The following HLA-F variants were observed in gnomAD, a reference collection of about 807,000 sequenced individuals.
HLA-F encodes the protein HLA class I histocompatibility antigen, alpha chain F.
A neutral mutation model predicts 49.5 loss-of-function variants in HLA-F; 46 were observed. The observed-to-expected ratio is 0.93, with a 90% CI of 0.73 to 1.19. The LOEUF is 1.19. HLA-F is among the 50% of genes most tolerant of loss of function. The pLI, the probability that HLA-F is intolerant of heterozygous loss-of-function variation, is 0.00. For synonymous variants in HLA-F, 203 were observed against 233.5 expected (o/e 0.87, Z 1.19); for missense variants, 496 against 579.6 (o/e 0.86, Z 1.48).
At chr6:29,726,856 G>T (rs753564853) in intron 6 of HLA-F, 27 bp from the exon 7 acceptor site, 6 of 1,599,222 alleles carry the variant, frequency 3.8e-6, no homozygotes, top group Non-Finnish European at 5.1e-6. Context: ...AACACAAGTA[G>T]GCTGTTGTTT....
chr6:29,736,557 A>G (rs953225395), intron 3 of HLA-F: 1 of 359,716 alleles, frequency 2.8e-6, no homozygotes, highest in Admixed American at 3.9e-5. Context: ...GATTTTCACA[A>G]AGTGAACACT....
Position 29,724,450 on chromosome 6 carries a change from T to C in HLA-F, c.610+2T>C, listed in dbSNP as rs901928374. 3 of 1,612,242 alleles carry C rather than the reference T, an allele frequency of 1.9e-6. No individual in the cohort carries two copies. In the African/African-American group the frequency reaches 4.0e-5, roughly 22 times the overall value. ...GGAAGGAGACGCTACAGCGCGCAGG[T>C]ACCAGGGGCCATGGGCGCCTTCCCT... On this transcript the variant is annotated splice_donor_variant, in intron 3 of 6. Coordinates refer to ENST00000259951, the MANE Select transcript of HLA-F (RefSeq NM_001098479.2). LOFTEE classifies it high-confidence loss of function.
downstream of HLA-F, among the ~76,000 whole-genome samples, chr6:29,731,227 G>GGATGGATAGATGGATAGATAGATA (rs1212859904): frequency 7.6e-6 from 1 of 131,240 alleles, no homozygotes. Context: ...TAGAGTAGAT[G>GGATGGATAGATGGATAGATAGATA]GATACATAGA....
intron 6 of HLA-F, chr6:29,726,479 T>A: frequency 6.3e-7 from 1 of 1,584,816 alleles, no homozygotes; most frequent in African/African-American, 1.4e-5. Context: ...CTCACGAACA[T>A]ACATAAATTT....
At chr6:29,732,951 G>A (rs2127596832) in intron 3 of HLA-F, among the ~76,000 whole-genome samples, 1 of 152,248 alleles carries the variant, frequency 6.6e-6, no homozygotes, top group East Asian at 1.9e-4. Context: ...ACTTTGAGAA[G>A]CTGAGGCAGG....
intron 5 of HLA-F, 45 bp downstream of exon 5, chr6:29,725,608 G>A (rs772357649): frequency 2.1e-5 from 32 of 1,530,218 alleles, no homozygotes; most frequent in Non-Finnish European, 2.6e-5. Context: ...TTGTCCCACT[G>A]GGGGTTGCAA....
Position 29,727,115 on chromosome 6 carries a change from C to G in HLA-F, c.1269C>G (p.Ser423Arg). Reference sequence around the variant, plus strand: ...GCTTCGGCTTTAGGAGGGGCAGGAGCTTCCTTCTTCGTTCTTGGCACCATC... The same window carrying G: ...GCTTCGGCTTTAGGAGGGGCAGGAGGTTCCTTCTTCGTTCTTGGCACCATC... The part of the protein sequence containing the change: ...RFGFGFRRGR[S>R]FLLRSWHHLM... The change falls in exon 7 of 7, where the codon AGC becomes AGG. Residue 423 changes from serine to arginine, a missense_variant. By Grantham distance (110) the Ser-to-Arg change is moderately radical. Transcript: ENST00000259951. 6.2e-7 allele frequency: 1 copy of G among 1,610,522 alleles called. No homozygotes were observed. The highest frequency in any genetic ancestry group is 8.5e-7 in the Non-Finnish European group (1 of 1,179,432).
chr6:29,724,016 T>C (rs1336501497), intron 2 of HLA-F, 89 bp downstream of exon 2: 1 of 1,550,490 alleles, frequency 6.4e-7, no homozygotes, highest in Non-Finnish European at 8.7e-7. Context: ...GGATCCGAAA[T>C]CTACCCCGAG....
chr6:29,725,390 C>G, intron 4 of HLA-F, 57 bp from the exon 5 acceptor site: 1 of 1,607,994 alleles, frequency 6.2e-7, no homozygotes, highest in East Asian at 2.2e-5. Flanking sequence ...AGCTCTTCAG[C>G]AGGGTCAGGG....
chr6:29,726,751 G>A, intron 6 of HLA-F, 132 bp from the exon 7 acceptor site: 1 of 1,226,692 alleles, frequency 8.2e-7, no homozygotes, highest in Non-Finnish European at 1.2e-6. Context: ...CTCTCCATCA[G>A]ACTGAATCAG....
rs1775891382 is a variant in HLA-F at position 29,725,188 on chromosome 6, T to A, written c.768T>A (p.Pro256=). Residue 256 remains proline (P), a synonymous_variant, in exon 4 of 7, where the codon CCT becomes CCA. Coordinates refer to ENST00000259951, the MANE Select transcript of HLA-F (RefSeq NM_001098479.2). The stretch of plus-strand genomic sequence containing the variant: ...ACACAGAGCTTGTGGAGACCAGGCC[T>A]GCAGGGGATGGAACCTTCCAGAAGT... ...TQDTELVETR[P]AGDGTFQKWA... 6.2e-7 allele frequency: 1 copy of A among 1,613,922 alleles called. No individual in the cohort carries two copies.
rs1320620049 is a variant in HLA-F at position 29,723,747 on chromosome 6, A to C, written c.154A>C (p.Thr52Pro). 6.2e-7 allele frequency: 1 copy of C among 1,612,186 alleles called. No homozygotes were observed. Residue 52 changes from threonine to proline, a missense_variant, in exon 2 of 7, where the codon ACG becomes CCG. Transcript: ENST00000259951. Reference protein sequence around the residue: ...RYIAVEYVDDTQFLRFDSDAA... With the variant: ...RYIAVEYVDDPQFLRFDSDAA... ...CATCGCCGTGGAGTACGTAGACGAC[A>C]CGCAATTCCTGCGGTTCGACAGCGA...
intron 6 of HLA-F, 40 bp downstream of exon 6, chr6:29,726,083 T>C (rs1776027027): frequency 6.3e-7 from 1 of 1,598,072 alleles, no homozygotes; most frequent in Non-Finnish European, 8.6e-7. Context: ...TGTTGGGATA[T>C]TGTGGTCAGG....
intron 3 of HLA-F, chr6:29,735,351 G>GTA (rs1554230959): frequency 1.8e-5 from 2 of 113,956 alleles, no homozygotes; most frequent in Non-Finnish European, 3.6e-5. Flanking sequence ...GTATATATAT[G>GTA]TATATATATG....
chr6:29,729,185 T>C (rs369127864), downstream of HLA-F: 36 of 152,210 alleles, frequency 2.4e-4, no homozygotes, highest in African/African-American at 8.2e-4. Flanking sequence ...TGTCTAGTGA[T>C]GTTCTAGTCT....
rs759407231 is a variant in HLA-F at position 29,725,611 on chromosome 6, G to C, written c.1003+48G>C. 4.6e-6 allele frequency: 7 copies of C among 1,509,702 alleles called. No individual in the cohort carries two copies. In the East Asian group the frequency reaches 1.4e-4, roughly 29 times the overall value. 93.5% of individuals were successfully genotyped at this position (1,509,702 alleles called of 1,614,324 possible). A position where few individuals can be genotyped will look rare whatever the true frequency, so the allele number is the denominator to read the frequency against. On this transcript the variant is annotated intron_variant, in intron 5 of 6. Transcript: ENST00000259951. Reference sequence around the variant, plus strand: ...GTCTGAGTTTTCTTGTCCCACTGGGGGTTGCAAGCCCCAAGTAGAAGTGTG... The same window carrying C: ...GTCTGAGTTTTCTTGTCCCACTGGGCGTTGCAAGCCCCAAGTAGAAGTGTG...
intron 2 of HLA-F, 48 bp from the exon 3 acceptor site, chr6:29,724,125 G>A: frequency 6.2e-7 from 1 of 1,605,540 alleles, no homozygotes; most frequent in Non-Finnish European, 8.5e-7. Context: ...GGTTGGGCGG[G>A]GAGGGGGCGG....
downstream of HLA-F, among the ~76,000 whole-genome samples, chr6:29,727,466 C>T (rs1267160117): frequency 6.6e-6 from 1 of 152,134 alleles, no homozygotes; most frequent in Non-Finnish European, 1.5e-5. Context: ...AATGGCATTA[C>T]CTGTTTCAGA....
In HLA-F at chr6:29,727,083, C is replaced by T. The variant is rs57486551; in HGVS notation, c.1237C>T (p.Arg413Cys). Residue 413 changes from arginine to cysteine, a missense_variant, in exon 7 of 7, where the codon CGC becomes TGC. Transcript: ENST00000259951. Reference protein sequence around the residue: ...NTAFLALQSLRFGFGFRRGRS... With the variant: ...NTAFLALQSLCFGFGFRRGRS... ...TGCCTTCTTGGCCTTGCAAAGCCTT[C>T]GCTTTGGCTTCGGCTTTAGGAGGGG... The T allele has an allele frequency of 2.3e-4, 374 of 1,613,042 alleles. 1 individual carries two copies. In the African/African-American group the frequency reaches 2.6e-3, roughly 11 times the overall value.
Sources: allele counts gnomAD v4.1 joint callset (sites outside exome capture counted in the v4.1 genomes callset), GRCh38; gene constraint gnomAD v4.1.1; transcripts MANE v1.5; gene names NCBI Gene and HGNC (gene_info 2026-07-23, HGNC 2026-07-21).